The following RANBP2 variants were observed in gnomAD, a reference collection of about 807,000 sequenced individuals.
RANBP2 encodes E3 SUMO-protein ligase RanBP2.
Under a neutral mutation model 303.6 loss-of-function variants are expected in RANBP2, and 57 were observed. The ratio of observed to expected loss-of-function variants is 0.19; its 90% confidence interval spans 0.15 to 0.23. RANBP2 has a LOEUF of 0.23. Ranked by LOEUF, RANBP2 falls within the 10% of genes least tolerant of loss-of-function variation. The pLI, the probability that RANBP2 is intolerant of heterozygous loss-of-function variation, is 1.00. For missense variants in RANBP2, 3,138 were observed against 3,780.8 expected (o/e 0.83, Z 4.46); for synonymous variants, 1,167 against 1,301.5 (o/e 0.90, Z 2.23).
At chr2:109,209,130 G>T in the RANBP2 span, among the ~76,000 whole-genome samples, 1 of 152,196 alleles carries the variant, frequency 6.6e-6, no homozygotes, top group Non-Finnish European at 1.5e-5. Flanking sequence ...TGTTGCCACT[G>T]GGAAGTGGGT....
chr2:109,575,675 A>C, the RANBP2 span, among the ~76,000 whole-genome samples: 1 of 152,236 alleles, frequency 6.6e-6, no homozygotes. Context: ...TATTCTCATT[A>C]AACAAATCTG....
At chr2:109,379,461 A>C in the RANBP2 span, among the ~76,000 whole-genome samples, 1 of 152,144 alleles carries the variant, frequency 6.6e-6, no homozygotes, top group African/African-American at 2.4e-5. Flanking sequence ...GGTGTTCCCT[A>C]CACTTCTGCT....
the RANBP2 span, among the ~76,000 whole-genome samples, chr2:109,159,110 C>T: frequency 6.7e-6 from 1 of 149,742 alleles, no homozygotes; most frequent in Non-Finnish European, 1.5e-5. Flanking sequence ...GAGTGAGATT[C>T]GGTCTCAAAA....
chr2:109,215,807 TG>T, the RANBP2 span, among the ~76,000 whole-genome samples: 4 of 152,186 alleles, frequency 2.6e-5, no homozygotes, highest in Non-Finnish European at 4.4e-5. Flanking sequence ...ATTTGCCCTG[TG>T]TTCAGGTTGC....
chr2:108,777,346 A>C (rs1677964408), intron 25 of RANBP2, 115 bp downstream of exon 25: 4 of 715,148 alleles, frequency 5.6e-6, no homozygotes, highest in Non-Finnish European at 8.9e-6. Flanking sequence ...CTTACCCCCC[A>C]GTTTGTTTTA....
the RANBP2 span, among the ~76,000 whole-genome samples, chr2:109,392,384 C>G: frequency 1.3e-5 from 2 of 152,174 alleles, no homozygotes; most frequent in Non-Finnish European, 2.9e-5. Context: ...CTCTCTGAGC[C>G]TCAGTTTCCT....
the RANBP2 span, among the ~76,000 whole-genome samples, chr2:109,451,345 A>G: frequency 6.6e-6 from 1 of 152,126 alleles, no homozygotes; most frequent in Non-Finnish European, 1.5e-5. Flanking sequence ...TCACAGTCCT[A>G]CCCTCTCACT....
At chr2:109,633,068 TA>T in the RANBP2 span, among the ~76,000 whole-genome samples, 2 of 152,034 alleles carry the variant, frequency 1.3e-5, no homozygotes, top group Non-Finnish European at 2.9e-5. Flanking sequence ...AATTTTTTTT[TA>T]AAGTTTTGAA....
At chr2:109,739,866 T>C in the RANBP2 span, among the ~76,000 whole-genome samples, 3 of 150,622 alleles carry the variant, frequency 2.0e-5, no homozygotes, top group East Asian at 5.8e-4. Context: ...CTGTCATATA[T>C]GGCTTTTATT....
chr2:109,546,552 T>C, the RANBP2 span, among the ~76,000 whole-genome samples: 1 of 151,844 alleles, frequency 6.6e-6, no homozygotes, highest in Non-Finnish European at 1.5e-5. Context: ...TCTTAAAGTC[T>C]CTCAAGTCCA....
chr2:109,482,545 G>A, the RANBP2 span, among the ~76,000 whole-genome samples: 3 of 152,120 alleles, frequency 2.0e-5, no homozygotes, highest in Non-Finnish European at 4.4e-5. Context: ...GAACTTGGCC[G>A]GTCATCCAAA....
At chr2:109,439,687 T>G in the RANBP2 span, among the ~76,000 whole-genome samples, 1 of 152,060 alleles carries the variant, frequency 6.6e-6, no homozygotes, top group African/African-American at 2.4e-5. Context: ...CTCCTGTCTG[T>G]GCTTAGCAGG....
the RANBP2 span, among the ~76,000 whole-genome samples, chr2:109,245,897 C>A: frequency 6.6e-6 from 1 of 152,002 alleles, no homozygotes; most frequent in Non-Finnish European, 1.5e-5. Context: ...AACACAATCC[C>A]GGGCATCATT....
the RANBP2 span, among the ~76,000 whole-genome samples, chr2:109,121,459 G>C: frequency 6.6e-6 from 1 of 152,146 alleles, no homozygotes; most frequent in African/African-American, 2.4e-5. Flanking sequence ...TGCTTTAAAA[G>C]GTTAAACAGG....
Position 108,766,557 on chromosome 2 carries a change from G to C in RANBP2, c.6018G>C (p.Glu2006Asp), listed in dbSNP as rs1314991046. The change falls in exon 20 of 29, where the codon GAG becomes GAC. Residue 2006 changes from glutamate to aspartate, a missense_variant. By Grantham distance (45) the Glu-to-Asp change is conservative. Around this residue, in one of 20 missense-constraint regions of RANBP2, gnomAD observed 348 missense variants for 360.4 expected, o/e 0.97. Transcript: ENST00000283195. ...FEKDDDAYKTEDSDDIHFEPV... is the reference protein window; with the variant it reads ...FEKDDDAYKTDDSDDIHFEPV... ...AAGATGATGATGCCTATAAGACTGA[G>C]GACAGCGATGACATCCATTTTGAAC... 6.2e-7 allele frequency: 1 copy of C among 1,611,800 alleles called. No homozygotes were observed. Among genetic ancestry groups the C allele is most frequent in the East Asian group, 2.2e-5 (1 of 44,888 alleles).
At chr2:109,183,405 A>G in the RANBP2 span, among the ~76,000 whole-genome samples, 1 of 152,230 alleles carries the variant, frequency 6.6e-6, no homozygotes, top group Non-Finnish European at 1.5e-5. Context: ...GTGATTTTGG[A>G]AACAAAGCTC....
At chr2:109,372,457 A>G in the RANBP2 span, among the ~76,000 whole-genome samples, 3 of 152,306 alleles carry the variant, frequency 2.0e-5, no homozygotes, top group East Asian at 5.8e-4. Flanking sequence ...GCGTCATCCC[A>G]TAAGAGTGGC....
chr2:109,196,731 G>C, the RANBP2 span, among the ~76,000 whole-genome samples: 2 of 152,158 alleles, frequency 1.3e-5, no homozygotes, highest in African/African-American at 4.8e-5. Flanking sequence ...GGAGGAGGGA[G>C]CTGCACCACA....
At chr2:108,937,111 C>T in the RANBP2 span, among the ~76,000 whole-genome samples, 3 of 152,228 alleles carry the variant, frequency 2.0e-5, no homozygotes, top group Non-Finnish European at 2.9e-5. Context: ...TGGAGGGTGA[C>T]GCTGAAACAG....
Sources: gnomAD v4.1 joint callset for allele counts (sites outside exome capture counted in the v4.1 genomes callset) on GRCh38, gnomAD v4.1.1 for gene constraint, gnomAD v4.1.1 regional missense constraint, MANE v1.5 for transcripts, NCBI Gene and HGNC (gene_info 2026-07-23, HGNC 2026-07-21) for gene names.